The following RPTOR variants were observed in gnomAD, a reference collection of about 807,000 sequenced individuals.
The protein encoded by RPTOR is regulatory associated protein of MTOR complex 1.
In RPTOR, 21 loss-of-function variants were observed where a neutral mutation model predicts 169.9. That is an observed-to-expected ratio of 0.12 (90% CI 0.09 to 0.18). The LOEUF is 0.18. Ranked by LOEUF, RPTOR falls within the 10% of genes least tolerant of loss-of-function variation. The pLI, the probability that RPTOR is intolerant of heterozygous loss-of-function variation, is 1.00. For missense variants in RPTOR, 1,133 were observed against 1,855.9 expected (o/e 0.61, Z 7.16); for synonymous variants, 732 against 753.2 (o/e 0.97, Z 0.46).
intron 20 of RPTOR, among the ~76,000 whole-genome samples, chr17:80,896,324 A>G (rs2143888660): frequency 1.2e-5 from 1 of 83,378 alleles, no homozygotes; most frequent in Admixed American, 1.3e-4. Flanking sequence ...TCTTAGCAGC[A>G]CCCATCCCAT....
Position 80,962,993 on chromosome 17 carries a change from AC to A in RPTOR, c.3876del (p.Tyr1293ThrfsTer59). ...SSGELINNIK[Y>X]YDGFMGQRVG... ...GGAGAGCTCATCAACAACATCAAGT[AC>A]TACGACGGCTTCATGGGCCAGCGGG... is the stretch of plus-strand genomic sequence containing the variant. On this transcript the variant is annotated frameshift_variant, in exon 33 of 34. Coordinates refer to ENST00000306801, the MANE Select transcript of RPTOR (RefSeq NM_020761.3). LOFTEE classifies it high-confidence loss of function. 6.2e-7 allele frequency: 1 copy of A among 1,612,990 alleles called. No homozygotes were observed. The highest frequency in any genetic ancestry group is 8.5e-7 in the Non-Finnish European group (1 of 1,179,742).
At chr17:80,956,519 G>T (rs2069251417) in intron 28 of RPTOR, among the ~76,000 whole-genome samples, 2 of 152,248 alleles carry the variant, frequency 1.3e-5, no homozygotes, top group Admixed American at 1.3e-4. Flanking sequence ...GGCCCATGCC[G>T]AGCTCCTGTT....
chr17:80,876,823 C>T (rs12950850), intron 13 of RPTOR, among the ~76,000 whole-genome samples: 13 of 110,620 alleles, frequency 1.2e-4, no homozygotes, highest in East Asian at 6.4e-4. Context: ...TGTCGCCTGC[C>T]GGGTCTTCCA....
chr17:80,622,598 C>A (rs2065362350), intron 1 of RPTOR, among the ~76,000 whole-genome samples: 1 of 152,170 alleles, frequency 6.6e-6, no homozygotes. Context: ...AGATGCAGTT[C>A]CTTTAGAAAG....
chr17:80,602,884 A>T, intron 1 of RPTOR: 1 of 478,382 alleles, frequency 2.1e-6, no homozygotes, highest in Non-Finnish European at 3.9e-6. Flanking sequence ...CTGATTGCAG[A>T]ATGGCCGTTT....
chr17:80,859,953 C>G (rs952255283), intron 13 of RPTOR, among the ~76,000 whole-genome samples: 1 of 152,228 alleles, frequency 6.6e-6, no homozygotes, highest in Non-Finnish European at 1.5e-5. Context: ...TCTGGAGCTC[C>G]TTGCCCACAC....
At chr17:80,719,840 T>C (rs1454745957) in intron 4 of RPTOR, among the ~76,000 whole-genome samples, 1 of 152,236 alleles carries the variant, frequency 6.6e-6, no homozygotes, top group Admixed American at 6.5e-5. Context: ...GTGTTTTTGG[T>C]ACTTCCTCTG....
At chr17:80,640,487 A>AACTG (rs1468761706) in intron 2 of RPTOR, among the ~76,000 whole-genome samples, 1 of 152,198 alleles carries the variant, frequency 6.6e-6, no homozygotes, top group African/African-American at 2.4e-5. Context: ...CCATACAATT[A>AACTG]ACTGACCACA....
chr17:80,554,515 G>A (rs974334490), intron 1 of RPTOR, among the ~76,000 whole-genome samples: 5 of 151,866 alleles, frequency 3.3e-5, no homozygotes, highest in Non-Finnish European at 2.9e-5. Flanking sequence ...AGACTGAGGC[G>A]GGCAGATCAT....
At chr17:80,768,565 C>G (rs1055425509) in intron 6 of RPTOR, among the ~76,000 whole-genome samples, 3 of 151,792 alleles carry the variant, frequency 2.0e-5, no homozygotes, top group Admixed American at 6.6e-5. Context: ...CAGCCCCGGC[C>G]TCACTCCTGC....
At chr17:80,935,776 G>GAA (rs145397030) in intron 24 of RPTOR, among the ~76,000 whole-genome samples, 3 of 150,862 alleles carry the variant, frequency 2.0e-5, no homozygotes, top group African/African-American at 2.4e-5. Context: ...GAAGGAAACA[G>GAA]AAAAAAAAAT....
chr17:80,725,442 A>G (rs767457546), intron 4 of RPTOR, among the ~76,000 whole-genome samples: 3 of 152,214 alleles, frequency 2.0e-5, no homozygotes, highest in Non-Finnish European at 4.4e-5. Context: ...CTGTACTTTT[A>G]GTTTTGGATC....
intron 20 of RPTOR, among the ~76,000 whole-genome samples, chr17:80,894,742 A>T (rs56819902): frequency 0.01 from 1,557 of 152,154 alleles, 27 homozygotes; most frequent in African/African-American, 0.035. Flanking sequence ...AAAAATTTAC[A>T]GAGACTTATA....
At chr17:80,711,742 G>GTTTTTTTTTTTTTTTTTTTTTTTTTT (rs1298623680) in intron 4 of RPTOR, among the ~76,000 whole-genome samples, 4 of 51,402 alleles carry the variant, frequency 7.8e-5, no homozygotes, top group African/African-American at 1.9e-4. Context: ...TTATACATCA[G>GTTTTTTTTTTTTTTTTTTTTTTTTTT]TCTTTTTTTT....
At chr17:80,919,812 C>T (rs1016306453) in intron 21 of RPTOR, among the ~76,000 whole-genome samples, 2 of 152,236 alleles carry the variant, frequency 1.3e-5, no homozygotes, top group African/African-American at 4.8e-5. Flanking sequence ...GTCTTGTAGC[C>T]GGGACCTTGA....
At chr17:80,813,301 A>G (rs568499448) in intron 7 of RPTOR, among the ~76,000 whole-genome samples, 1 of 152,340 alleles carries the variant, frequency 6.6e-6, no homozygotes, top group Admixed American at 6.5e-5. Context: ...CTTGGTTCAG[A>G]GCAATATTAG....
At chr17:80,755,738 C>CAAAAAAAAAAAAA in intron 6 of RPTOR, among the ~76,000 whole-genome samples, 1 of 80,228 alleles carries the variant, frequency 1.2e-5, no homozygotes, top group Non-Finnish European at 2.4e-5. Context: ...GACCCTGTCT[C>CAAAAAAAAAAAAA]AAAAAAAAAA....
chr17:80,637,219 G>A (rs2065514711), intron 2 of RPTOR, among the ~76,000 whole-genome samples: 1 of 152,234 alleles, frequency 6.6e-6, no homozygotes, highest in South Asian at 2.1e-4. Context: ...ATGAGGGAGA[G>A]CAGACGTCAT....
At chr17:80,793,623 CT>C (rs1210380520) in intron 7 of RPTOR, among the ~76,000 whole-genome samples, 8 of 152,200 alleles carry the variant, frequency 5.3e-5, no homozygotes, top group African/African-American at 1.4e-4. Flanking sequence ...CCCATCCCCC[CT>C]GGTCACCTGT....
Sources: allele counts gnomAD v4.1 joint callset (sites outside exome capture counted in the v4.1 genomes callset), GRCh38; gene constraint gnomAD v4.1.1; transcripts MANE v1.5; gene names NCBI Gene and HGNC (gene_info 2026-07-23, HGNC 2026-07-21).